The following RFX4 variants were observed in gnomAD, a reference collection of about 807,000 sequenced individuals.
RFX4 encodes the protein regulatory factor X4.
In RFX4, 10 loss-of-function variants were observed where a neutral mutation model predicts 95.0. That is an observed-to-expected ratio of 0.11 (90% confidence interval 0.06 to 0.18). The LOEUF (loss-of-function observed/expected upper bound fraction) is 0.18, where lower values mean the gene tolerates loss of function less well. Among genes scored for constraint, RFX4 ranks in the 10% least tolerant of loss-of-function variants. The pLI is 1.00. For missense variants in RFX4, 640 were observed against 922.0 expected (o/e 0.69, Z 3.96); for synonymous variants, 321 against 340.7 (o/e 0.94, Z 0.64).
At chr12:106,599,356 T>A (rs1311350526) in intron 1 of RFX4, among the ~76,000 whole-genome samples, 1 of 152,180 alleles carries the variant, frequency 6.6e-6, no homozygotes, top group East Asian at 1.9e-4. Flanking sequence ...ACAATGAGAC[T>A]TTAATGTATA....
At chr12:106,601,130 C>T (rs1050406082) in intron 1 of RFX4, 22 of 1,434,940 alleles carry the variant, frequency 1.5e-5, no homozygotes, top group East Asian at 1.3e-4. Context: ...GGGGCAGGAC[C>T]TGTGGCGTTG....
chr12:106,685,000 G>A, intron 5 of RFX4: 1 of 1,583,944 alleles, frequency 6.3e-7, no homozygotes, highest in Non-Finnish European at 8.6e-7. Context: ...AATTCAAAAT[G>A]CCTTCTCATC....
At chr12:106,637,155 A>G (rs2040530414) in intron 2 of RFX4, among the ~76,000 whole-genome samples, 1 of 152,204 alleles carries the variant, frequency 6.6e-6, no homozygotes, top group South Asian at 2.1e-4. Flanking sequence ...ATGAATCAAC[A>G]TTCACCTTTC....
In RFX4 at chr12:106,648,276, G is replaced by A. The variant is rs1317124638; in HGVS notation, c.192-5952G>A. The stretch of plus-strand genomic sequence containing the variant: ...TCATCCCCTGCGGTAGGAAGGTGAT[G>A]GATCGTGTGTGTGGGTGGAAGGTGA... On this transcript the variant is annotated intron_variant, in intron 3 of 17. Transcript: ENST00000392842. 2.0e-5 allele frequency among the ~76,000 whole-genome samples: 3 copies of A among 152,158 alleles called. No homozygotes were observed. In the East Asian group the frequency reaches 5.8e-4, roughly 29 times the overall value.
chr12:106,735,882 T>G (rs1445678303), intron 15 of RFX4, among the ~76,000 whole-genome samples: 1 of 152,190 alleles, frequency 6.6e-6, no homozygotes, highest in Non-Finnish European at 1.5e-5. Flanking sequence ...AAACTAATGC[T>G]ATGAGGTTCC....
intron 15 of RFX4, among the ~76,000 whole-genome samples, chr12:106,744,023 C>T (rs1175881357): frequency 6.6e-6 from 1 of 152,088 alleles, no homozygotes; most frequent in African/African-American, 2.4e-5. Flanking sequence ...TAAGGGAAAA[C>T]ACTGTAAAAC....
intron 3 of RFX4, among the ~76,000 whole-genome samples, chr12:106,652,215 A>G (rs1289796806): frequency 6.6e-6 from 1 of 152,152 alleles, no homozygotes; most frequent in Admixed American, 6.5e-5. Flanking sequence ...TGTTTTGTTC[A>G]CCACTGTTTC....
At chr12:106,623,782 C>T (rs1039389867) in intron 2 of RFX4, among the ~76,000 whole-genome samples, 2 of 152,088 alleles carry the variant, frequency 1.3e-5, no homozygotes, top group Non-Finnish European at 2.9e-5. Flanking sequence ...GAGACCCCAT[C>T]TCAAAAAAAC....
At chr12:106,665,266 T>G (rs2041153575) in intron 4 of RFX4, among the ~76,000 whole-genome samples, 1 of 151,926 alleles carries the variant, frequency 6.6e-6, no homozygotes, top group South Asian at 2.1e-4. Flanking sequence ...TAACTTTCTT[T>G]GCTTTGAAGT....
chr12:106,709,072 A>C (rs12304317), intron 8 of RFX4, among the ~76,000 whole-genome samples: 197 of 152,298 alleles, frequency 1.3e-3, no homozygotes, highest in African/African-American at 4.5e-3. Flanking sequence ...TTTTCCTTGC[A>C]TCTAAATAGT....
intron 2 of RFX4, among the ~76,000 whole-genome samples, chr12:106,634,276 C>T (rs1366065202): frequency 2.6e-5 from 4 of 152,118 alleles, no homozygotes; most frequent in Non-Finnish European, 4.4e-5. Context: ...CTGTGACGTC[C>T]CCTGGTGTGT....
intron 8 of RFX4, among the ~76,000 whole-genome samples, chr12:106,698,459 T>A (rs533316491): frequency 6.6e-6 from 1 of 152,116 alleles, no homozygotes; most frequent in South Asian, 2.1e-4. Context: ...AAAAAAAAAA[T>A]TTGTAGAGAT....
intron 13 of RFX4, among the ~76,000 whole-genome samples, chr12:106,722,270 T>A (rs900480909): frequency 2.0e-5 from 3 of 152,228 alleles, no homozygotes; most frequent in African/African-American, 7.2e-5. Flanking sequence ...ATCAACAATA[T>A]CACACACAAA....
chr12:106,662,867 C>T (rs533743356), intron 4 of RFX4, among the ~76,000 whole-genome samples: 47 of 152,136 alleles, frequency 3.1e-4, no homozygotes, highest in African/African-American at 1.1e-3. Flanking sequence ...GGTCAGTTGA[C>T]TATATTTATG....
At chr12:106,670,815 T>A (rs944807079) in intron 4 of RFX4, among the ~76,000 whole-genome samples, 1 of 152,192 alleles carries the variant, frequency 6.6e-6, no homozygotes, top group Non-Finnish European at 1.5e-5. Context: ...CTTTAATTAT[T>A]TTTTCTTTTC....
At chr12:106,592,311 T>G (rs767606031) in intron 1 of RFX4, among the ~76,000 whole-genome samples, 7 of 152,204 alleles carry the variant, frequency 4.6e-5, no homozygotes, top group Non-Finnish European at 1.0e-4. Context: ...CTGAAGGGTT[T>G]AGACCAAAAG....
chr12:106,618,416 T>G (rs2040116937), intron 2 of RFX4, among the ~76,000 whole-genome samples: 1 of 152,080 alleles, frequency 6.6e-6, no homozygotes, highest in Admixed American at 6.5e-5. Context: ...AATTTTTACT[T>G]TATATATTTT....
At position 106,760,184 on chromosome 12, in the gene RFX4, G is replaced by A. The variant is rs2043184508; in HGVS notation, c.1936-1013G>A. 3.3e-5 allele frequency among the ~76,000 whole-genome samples: 5 copies of A among 152,216 alleles called. No individual in the cohort carries two copies. In the South Asian group the frequency reaches 1.0e-3, roughly 32 times the overall value. ...AGTCTCTCTCCTCCTCGCTGCTCTG[G>A]CCATCCTTGTTGATTGGCTCCTGTC... On this transcript the variant is annotated intron_variant, in intron 17 of 17. Transcript: ENST00000392842.
At chr12:106,751,861 C>T (rs1237629014) in intron 17 of RFX4, among the ~76,000 whole-genome samples, 10 of 151,006 alleles carry the variant, frequency 6.6e-5, no homozygotes, top group African/African-American at 1.7e-4. Context: ...GAGAAGGTTG[C>T]GAAAATTTTC....
Sources: gnomAD v4.1 joint callset for allele counts (sites outside exome capture counted in the v4.1 genomes callset) on GRCh38, gnomAD v4.1.1 for gene constraint, MANE v1.5 for transcripts, NCBI Gene and HGNC (gene_info 2026-07-23, HGNC 2026-07-21) for gene names.